AKAP17A: variants seen among roughly 807,000 people sequenced by gnomAD.
AKAP17A encodes A-kinase anchor protein 17A.
In AKAP17A, 15 loss-of-function variants were observed where a neutral mutation model predicts 52.2. The ratio of observed to expected loss-of-function variants is 0.29; its 90% CI spans 0.19 to 0.44. AKAP17A has a LOEUF of 0.44. AKAP17A is among the 20% of genes least tolerant of loss of function. The pLI, the probability that AKAP17A is intolerant of heterozygous loss-of-function variation, is 1.00. For missense variants in AKAP17A, 1,060 were observed against 1,007.0 expected, an observed-to-expected ratio of 1.05 and a Z score of -0.71; for synonymous variants, 514 against 424.7, an observed-to-expected ratio of 1.21 and a Z score of -2.58.
rs1398326937 is a variant in AKAP17A, at chrX:1,595,365, A to G, written c.763-19A>G. ...GGGTTTTGGGGGAAGGCCATCTGAC[A>G]CTGTTTTTGCTTTTAAAGGTTTCTT... On this transcript the variant is annotated intron_variant, in intron 2 of 4. Coordinates refer to ENST00000313871, the MANE Select transcript of AKAP17A (RefSeq NM_005088.3). 1.9e-6 allele frequency: 3 copies of G among 1,613,226 alleles called. No homozygotes were observed. The South Asian group carries it at 3.3e-5, about 18-fold the overall frequency.
At chrX:1,599,740 G>GC (rs1372893886) in intron 4 of AKAP17A, 1 of 618,916 alleles carries the variant, frequency 1.6e-6, no homozygotes, top group African/African-American at 1.9e-5. Context: ...CGGGGCAGTG[G>GC]CAGAGAGTGC....
In AKAP17A at chrX:1,600,660, C is replaced by T. The variant is rs1218582675; in HGVS notation, c.1154C>T (p.Ala385Val). Reference protein sequence around the residue: ...LIAELLSRAKAVKLREQEQKE... With the variant: ...LIAELLSRAKVVKLREQEQKE... ...GCTGCACTTTCCTCTTCCCCGCAGG[C>T]TGTGAAGCTACGGGAACAGGAGCAG... The change falls in exon 5 of 5, where the codon GCT (alanine) becomes GTT (valine). Residue 385 changes from alanine (A) to valine (V), a missense_variant and splice_region_variant. Physicochemically the swap from Ala to Val is moderately conservative, Grantham distance 64. This residue lies in a region of AKAP17A where 793 missense variants were observed against 629.9 expected (regional missense o/e 1.26). Transcript: ENST00000313871. 1.3e-6 allele frequency: 2 copies of T among 1,536,642 alleles called. No homozygotes were observed. The highest frequency in any genetic ancestry group is 1.8e-6 in the Non-Finnish European group (2 of 1,140,848).
intron 3 of AKAP17A, among the ~76,000 whole-genome samples, 191 bp from the exon 4 acceptor site, chrX:1,599,001 G>A: frequency 6.6e-6 from 1 of 152,290 alleles, no homozygotes; most frequent in Middle Eastern, 3.4e-3. Context: ...GGTCACGGAG[G>A]TCCTCGCCCG....
rs770809327 is a variant in AKAP17A, at chrX:1,599,451, T to C, written c.1152+19T>C. 2 of 1,554,746 alleles carry C rather than the reference T, an allele frequency of 1.3e-6. No homozygotes were observed. Among genetic ancestry groups the C allele is most frequent in the East Asian group, 4.9e-5 (2 of 41,224 alleles). On this transcript the variant is annotated intron_variant, in intron 4 of 4. Coordinates refer to ENST00000313871, the MANE Select transcript of AKAP17A (RefSeq NM_005088.3). Reference sequence around the variant, plus strand: ...AGCCAAGGTACCCGGGGGCTCCCTCTGCAGCCGCCAGCCGCGCCCGGGCTG... The same window carrying C: ...AGCCAAGGTACCCGGGGGCTCCCTCCGCAGCCGCCAGCCGCGCCCGGGCTG...
At position 1,602,485 on chromosome X, in the gene AKAP17A, T is replaced by C. The variant is rs1392125214; in HGVS notation, c.*891T>C. The C allele has an allele frequency of 2.0e-5, 3 of 152,220 alleles. No homozygotes were observed. The highest frequency in any genetic ancestry group is 4.4e-5 in the Non-Finnish European group (3 of 68,042). The allele number at this position is 152,220 out of a possible 1,614,324, so 9.4% of individuals were successfully genotyped here. On this transcript the variant is annotated 3_prime_UTR_variant, in exon 5 of 5. Transcript: ENST00000313871. Reference sequence around the variant, plus strand: ...TGGTGTTTATTCCAGTTTGCATTTTTATGGTGAAATAAAATCCTTTTCCAA... The same window carrying C: ...TGGTGTTTATTCCAGTTTGCATTTTCATGGTGAAATAAAATCCTTTTCCAA...
In AKAP17A at chrX:1,600,842, A is replaced by G; in HGVS notation, c.1336A>G (p.Lys446Glu). The G allele has an allele frequency of 6.3e-7, 1 of 1,591,844 alleles. No individual in the cohort carries two copies. Among genetic ancestry groups the G allele is most frequent in the Non-Finnish European group, 8.5e-7 (1 of 1,173,530 alleles). ...ERLLSILLSK[K>E]PDDSHTHDEL... is the part of the protein sequence containing the mutation. ...GCTGCTGAGCATCCTGCTGAGCAAG[A>G]AGCCGGACGACAGCCACACACACGA... is the stretch of plus-strand genomic sequence containing the variant. The change falls in exon 5 of 5, where the codon AAG becomes GAG. Residue 446 changes from lysine to glutamate, a missense_variant. Physicochemically the swap from Lys to Glu is moderately conservative, Grantham distance 56. Transcript: ENST00000313871.
intron 2 of AKAP17A, 96 bp downstream of exon 2, chrX:1,594,320 C>T: frequency 7.2e-7 from 1 of 1,386,924 alleles, no homozygotes; most frequent in Middle Eastern, 2.6e-4. Flanking sequence ...ACCCCTGAGG[C>T]TGTGGGGACC....
rs1165618779 is a variant in AKAP17A, at chrX:1,593,331, G to A, written c.-19-113G>A. On this transcript the variant is annotated intron_variant, in intron 1 of 4. Coordinates refer to ENST00000313871, the MANE Select transcript of AKAP17A (RefSeq NM_005088.3). ...AAACCGGTCTCTGACACGGCAGAGA[G>A]ACACTGCTGTTTCTCTTCTCCGGGT... The A allele has an allele frequency of 7.8e-6, 8 of 1,023,126 alleles. No individual in the cohort carries two copies. In the African/African-American group the frequency reaches 9.7e-5, roughly 12 times the overall value. 63.4% of individuals were successfully genotyped at this position (1,023,126 alleles called of 1,614,324 possible).
At chrX:1,600,376 C>T (rs1209959689) in intron 4 of AKAP17A, 9 of 625,014 alleles carry the variant, frequency 1.4e-5, no homozygotes, top group Non-Finnish European at 2.2e-5. Context: ...CTCGGCTCTG[C>T]CCAAGAGGCC....
At chrX:1,599,693 C>CG (rs1356974676) in intron 4 of AKAP17A, 1 of 646,512 alleles carries the variant, frequency 1.5e-6, no homozygotes, top group Non-Finnish European at 2.8e-6. Context: ...GGCAGCCTCC[C>CG]GGGGGCCAGG....
chrX:1,598,756 G>A (rs763482205), intron 3 of AKAP17A, among the ~76,000 whole-genome samples: 2 of 152,314 alleles, frequency 1.3e-5, no homozygotes, highest in African/African-American at 4.8e-5. Context: ...CCTCACAGGA[G>A]TCCTGCACAA....
chrX:1,591,968 G>A (rs1932845157), intron 1 of AKAP17A, among the ~76,000 whole-genome samples, 199 bp downstream of exon 1: 1 of 150,086 alleles, frequency 6.7e-6, no homozygotes, highest in Non-Finnish European at 1.5e-5. Context: ...GGGCTGGGGA[G>A]GTCTGCGGTC....
intron 3 of AKAP17A, among the ~76,000 whole-genome samples, chrX:1,598,984 G>A (rs1263775636): frequency 6.6e-6 from 1 of 152,182 alleles, no homozygotes; most frequent in Non-Finnish European, 1.5e-5. Flanking sequence ...AGGACGGTGT[G>A]TTGGAAGGTC....
At position 1,600,584 on chromosome X, in the gene AKAP17A, C is replaced by A; in HGVS notation, c.1153-75C>A. On this transcript the variant is annotated intron_variant, in intron 4 of 4. Coordinates refer to ENST00000313871, the MANE Select transcript of AKAP17A (RefSeq NM_005088.3). ...CCCCAGACCATGGGGCCTCCAAACA[C>A]CTTCCCAGCTCCTGTCCCACGTGTC... 5 of 1,394,476 alleles carry A rather than the reference C, an allele frequency of 3.6e-6. No homozygotes were observed. In the South Asian group the frequency reaches 7.0e-5, roughly 20 times the overall value. The allele number at this position is 1,394,476 out of a possible 1,614,324, so 86.4% of individuals were successfully genotyped here.
At position 1,594,067 on chromosome X, in the gene AKAP17A, G is replaced by C; in HGVS notation, c.605G>C (p.Arg202Pro). Residue 202 changes from arginine to proline, a missense_variant, in exon 2 of 5, where the codon CGC becomes CCC. Arg to Pro is a moderately radical substitution (Grantham distance 103, BLOSUM62 -2). Coordinates refer to ENST00000313871, the MANE Select transcript of AKAP17A (RefSeq NM_005088.3). ...CCCTACCGGGAGGAGATGACGGGCCGCAACTTCCACACCTTCAGTTTCGGG... is the reference window on the plus strand; with the variant it reads ...CCCTACCGGGAGGAGATGACGGGCCCCAACTTCCACACCTTCAGTTTCGGG... ...LDPYREEMTG[R>P]NFHTFSFGGH... is the part of the protein sequence containing the mutation. 1 of 1,613,286 alleles carries C rather than the reference G, an allele frequency of 6.2e-7. No individual in the cohort carries two copies. The highest frequency in any genetic ancestry group is 8.5e-7 in the Non-Finnish European group (1 of 1,179,576).
intron 3 of AKAP17A, among the ~76,000 whole-genome samples, chrX:1,596,579 T>G (rs1426828911): frequency 7.6e-6 from 1 of 131,366 alleles, no homozygotes. Context: ...GGATTCCTCC[T>G]CCTCCTCCTC....
In AKAP17A at chrX:1,601,657, C is replaced by G. The variant is rs1343902403; in HGVS notation, c.*63C>G. 1.5e-6 allele frequency: 2 copies of G among 1,345,840 alleles called. No homozygotes were observed. Among genetic ancestry groups the G allele is most frequent in the Non-Finnish European group, 1.9e-6 (2 of 1,047,536 alleles). The allele number at this position is 1,345,840 out of a possible 1,614,324, so 83.4% of individuals were successfully genotyped here. On this transcript the variant is annotated 3_prime_UTR_variant, in exon 5 of 5. Transcript: ENST00000313871. ...ACCAGGACCTGCTCGAGCCTCCTGG[C>G]CGCTCCTTGGCCGCTCTCCGTCCAC...
intron 3 of AKAP17A, 67 bp from the exon 4 acceptor site, chrX:1,599,125 G>T: frequency 6.4e-7 from 1 of 1,573,780 alleles, no homozygotes; most frequent in Non-Finnish European, 8.6e-7. Context: ...TTGGAAAGCC[G>T]CTTGTATGGT....
chrX:1,600,269 A>ATGCGTC (rs1933282546), intron 4 of AKAP17A: 1 of 1,158,320 alleles, frequency 8.6e-7, no homozygotes, highest in Admixed American at 2.3e-5. Flanking sequence ...CGGCGGTGGC[A>ATGCGTC]TGCGTCTGCG....
Sources: gnomAD v4.1 joint callset for allele counts (sites outside exome capture counted in the v4.1 genomes callset) on GRCh38, gnomAD v4.1.1 for gene constraint, gnomAD v4.1.1 regional missense constraint, MANE v1.5 for transcripts, NCBI Gene and HGNC (gene_info 2026-07-23, HGNC 2026-07-21) for gene names.